C12orf42: variants seen among roughly 807,000 people sequenced by gnomAD.
The protein encoded by C12orf42 is uncharacterized protein C12orf42.
In C12orf42, 25 loss-of-function variants were observed where a neutral mutation model predicts 21.6. The observed-to-expected ratio is 1.16, with a 90% CI of 0.84 to 1.62. The LOEUF is 1.62. Ranked by LOEUF, C12orf42 falls within the 40% of genes most tolerant of loss-of-function variation. The pLI, the probability that C12orf42 is intolerant of heterozygous loss-of-function variation, is 0.00. For synonymous variants in C12orf42, 174 were observed against 175.0 expected, an observed-to-expected ratio of 0.99 and a Z score of 0.05; for missense variants, 483 against 459.3, an observed-to-expected ratio of 1.05 and a Z score of -0.47.
At chr12:103,188,755 A>T in the C12orf42 span, among the ~76,000 whole-genome samples, 1 of 152,212 alleles carries the variant, frequency 6.6e-6, no homozygotes, top group Non-Finnish European at 1.5e-5. Context: ...GCCTTCTGCC[A>T]TGATTGTAAG....
At chr12:103,090,411 TC>T in the C12orf42 span, among the ~76,000 whole-genome samples, 5 of 152,132 alleles carry the variant, frequency 3.3e-5, no homozygotes, top group East Asian at 9.7e-4. Flanking sequence ...GAAGTTTGAG[TC>T]CTTGCTCCAG....
At chr12:103,242,191 T>C (rs1453166321) in intron 10 of C12orf42, among the ~76,000 whole-genome samples, 1 of 152,178 alleles carries the variant, frequency 6.6e-6, no homozygotes, top group Non-Finnish European at 1.5e-5. Context: ...TTAACTTTCT[T>C]CTTAAGTGCT....
chr12:103,130,425 T>C, the C12orf42 span, among the ~76,000 whole-genome samples: 1 of 151,780 alleles, frequency 6.6e-6, no homozygotes, highest in South Asian at 2.1e-4. Flanking sequence ...ATTGTGGTTT[T>C]CAAAAAGATT....
At chr12:103,373,633 A>C (rs1268530574) in intron 3 of C12orf42, among the ~76,000 whole-genome samples, 2 of 152,244 alleles carry the variant, frequency 1.3e-5, no homozygotes, top group Admixed American at 1.3e-4. Context: ...GAGTTTCTCC[A>C]TCTCAGTATT....
the C12orf42 span, among the ~76,000 whole-genome samples, chr12:103,080,189 G>A: frequency 6.6e-6 from 1 of 152,192 alleles, no homozygotes; most frequent in Non-Finnish European, 1.5e-5. Context: ...TCCAGGAAGA[G>A]TTGGGGCGGC....
the C12orf42 span, among the ~76,000 whole-genome samples, chr12:103,223,278 G>A: frequency 6.6e-6 from 1 of 152,146 alleles, no homozygotes; most frequent in Non-Finnish European, 1.5e-5. Flanking sequence ...AACCTAGAGT[G>A]GGAGAGATTA....
intron 10 of C12orf42, among the ~76,000 whole-genome samples, chr12:103,251,392 T>C (rs942499079): frequency 6.6e-6 from 1 of 152,186 alleles, no homozygotes; most frequent in Non-Finnish European, 1.5e-5. Context: ...AATGCCCAGC[T>C]CTTTCTGCAT....
chr12:103,300,049 A>C (rs1039596006), downstream of C12orf42, among the ~76,000 whole-genome samples: 4 of 152,232 alleles, frequency 2.6e-5, no homozygotes, highest in African/African-American at 9.6e-5. Flanking sequence ...TAATTTGAAA[A>C]GAAATCCTTA....
chr12:103,067,486 G>A, the C12orf42 span, among the ~76,000 whole-genome samples: 1 of 152,160 alleles, frequency 6.6e-6, no homozygotes, highest in Non-Finnish European at 1.5e-5. Flanking sequence ...CTGGGACAGA[G>A]TTCTCCAGAA....
chr12:103,164,392 C>T, the C12orf42 span: 6 of 455,868 alleles, frequency 1.3e-5, no homozygotes. Flanking sequence ...CTTTCTTCTT[C>T]TTGGCAGCAG....
At chr12:103,556,549 A>G in the C12orf42 span, among the ~76,000 whole-genome samples, 10 of 152,230 alleles carry the variant, frequency 6.6e-5, no homozygotes, top group Admixed American at 6.5e-4. Flanking sequence ...AAGGACAGAA[A>G]GGGAGCAATC....
the C12orf42 span, among the ~76,000 whole-genome samples, chr12:103,179,886 T>C: frequency 2.6e-5 from 4 of 152,112 alleles, no homozygotes; most frequent in Non-Finnish European, 4.4e-5. Flanking sequence ...AGGGAGAGGC[T>C]ATGATAATTC....
chr12:103,190,220 G>A, the C12orf42 span, among the ~76,000 whole-genome samples: 1 of 152,200 alleles, frequency 6.6e-6, no homozygotes. Context: ...CCAAGGGCAG[G>A]AGGAGAAGAA....
the C12orf42 span, among the ~76,000 whole-genome samples, chr12:103,207,219 T>C: frequency 6.6e-6 from 1 of 152,152 alleles, no homozygotes; most frequent in Non-Finnish European, 1.5e-5. Context: ...CAGATAGAAA[T>C]ATAGCATGAT....
chr12:103,323,040 C>T (rs1332092456), intron 4 of C12orf42, among the ~76,000 whole-genome samples: 1 of 152,026 alleles, frequency 6.6e-6, no homozygotes, highest in African/African-American at 2.4e-5. Context: ...ATTAAGGCTG[C>T]CCAACTTTTC....
At chr12:103,548,182 T>C in the C12orf42 span, among the ~76,000 whole-genome samples, 1 of 152,144 alleles carries the variant, frequency 6.6e-6, no homozygotes, top group Admixed American at 6.5e-5. Context: ...AACGTGGAGG[T>C]GCCGCAGCCC....
chr12:103,381,989 C>G (rs1240714308), intron 3 of C12orf42, among the ~76,000 whole-genome samples: 1 of 152,156 alleles, frequency 6.6e-6, no homozygotes, highest in African/African-American at 2.4e-5. Flanking sequence ...TAATAATAGT[C>G]TCTACTTGAT....
chr12:103,337,932 T>C (rs184085479), intron 4 of C12orf42, among the ~76,000 whole-genome samples: 19 of 152,294 alleles, frequency 1.2e-4, no homozygotes, highest in Admixed American at 2.0e-4. Context: ...TTTCATCCCT[T>C]GATACTTCTC....
At chr12:103,382,362 T>A (rs1470240412) in intron 3 of C12orf42, among the ~76,000 whole-genome samples, 1 of 152,218 alleles carries the variant, frequency 6.6e-6, no homozygotes, top group Non-Finnish European at 1.5e-5. Context: ...CTTTGGAGAT[T>A]CATGGAGATT....
Sources: gnomAD v4.1 joint callset for allele counts (sites outside exome capture counted in the v4.1 genomes callset) on GRCh38, gnomAD v4.1.1 for gene constraint, MANE v1.5 for transcripts, NCBI Gene and HGNC (gene_info 2026-07-23, HGNC 2026-07-21) for gene names.